KIAA0586: variants seen among roughly 807,000 people sequenced by gnomAD.
KIAA0586 encodes the protein KIAA0586.
In KIAA0586, 144 loss-of-function variants were observed where a neutral mutation model predicts 169.8. The ratio of observed to expected loss-of-function variants is 0.85; its 90% confidence interval spans 0.74 to 0.97. The LOEUF is 0.97. Among genes scored for constraint, KIAA0586 ranks in the 50% least tolerant of loss-of-function variants. The pLI is 0.00. For synonymous variants in KIAA0586, 625 were observed against 612.4 expected, an observed-to-expected ratio of 1.02 and a Z score of -0.30; for missense variants, 1,854 against 1,823.0, an observed-to-expected ratio of 1.02 and a Z score of -0.31.
chr14:58,485,008 C>T lies in KIAA0586; in HGVS notation c.3145-1999C>T, dbSNP rs2042346675. 3.2e-5 allele frequency among the ~76,000 whole-genome samples: 4 copies of T among 126,510 alleles called. No homozygotes were observed. In the South Asian group the frequency reaches 8.7e-4, roughly 28 times the overall value. 83.0% of individuals were successfully genotyped at this position (126,510 alleles called of 152,430 possible). A position where few individuals can be genotyped will look rare whatever the true frequency, so the allele number is the denominator to read the frequency against. On this transcript the variant is annotated intron_variant, in intron 21 of 30. Transcript: ENST00000652326. ...GGAGTGCAGTGGCGTGATCTTGGCT[C>T]ACTGCAACAGGTTCAAATGATTCTC...
chr14:58,440,169 C>T, intron 4 of KIAA0586: 1 of 448,270 alleles, frequency 2.2e-6, no homozygotes. Flanking sequence ...AGGCATGTAG[C>T]ACTACACCCA....
chr14:58,482,737 A>G (rs373308803), intron 21 of KIAA0586, 25 bp downstream of exon 21: 12 of 1,484,448 alleles, frequency 8.1e-6, no homozygotes, highest in Non-Finnish European at 1.1e-5. Context: ...TGAGACATTT[A>G]TTGAAGAATA....
intron 29 of KIAA0586, among the ~76,000 whole-genome samples, chr14:58,529,429 G>A (rs1056355630): frequency 2.6e-5 from 4 of 152,080 alleles, no homozygotes; most frequent in African/African-American, 7.2e-5. Context: ...GCCAGTATCC[G>A]TGATGATCAT....
In KIAA0586 at chr14:58,453,481, CAA is replaced by C; in HGVS notation, c.1253+9_1253+10del. ...TCCTGAGAAAACAAACAGGTAAAAA[CAA>C]GAGATTGGAATGAAAACTAGATTGA... On this transcript the variant is annotated intron_variant, in intron 9 of 30. Coordinates refer to ENST00000652326, the MANE Select transcript of KIAA0586 (RefSeq NM_001329943.3). 1.3e-6 allele frequency: 2 copies of C among 1,484,824 alleles called. No individual in the cohort carries two copies. Among genetic ancestry groups the C allele is most frequent in the Non-Finnish European group, 1.8e-6 (2 of 1,122,322 alleles). The allele number at this position is 1,484,824 out of a possible 1,614,324, so 92.0% of individuals were successfully genotyped here. A position where few individuals can be genotyped will look rare whatever the true frequency, so the allele number is the denominator to read the frequency against.
Position 58,428,325 on chromosome 14 carries a change from C to A in KIAA0586, c.61C>A (p.Leu21Ile). The A allele has an allele frequency of 6.2e-7, 1 of 1,613,882 alleles. No individual in the cohort carries two copies. The highest frequency in any genetic ancestry group is 8.5e-7 in the Non-Finnish European group (1 of 1,179,842). ...KKKIKMPVKR[L>I]REVVSQNHGD... Reference sequence around the variant, plus strand: ...AAAGATTAAGATGCCAGTGAAGAGACTTCGTGAGGTAGTTTCTCAAAATCA... The same window carrying A: ...AAAGATTAAGATGCCAGTGAAGAGAATTCGTGAGGTAGTTTCTCAAAATCA... The change falls in exon 1 of 31, where the codon CTT becomes ATT. Residue 21 changes from leucine to isoleucine, a missense_variant. Transcript: ENST00000652326.
rs535980695 is a variant in KIAA0586, at chr14:58,450,282, A to G, written c.962-297A>G. On this transcript the variant is annotated intron_variant, in intron 7 of 30. Transcript: ENST00000652326. ...TTTAATTCTTCCTATACTTATTGCC[A>G]GATGGTTTATCAGTTTTCACTGCCA... Among the ~76,000 whole-genome samples, 54 of 152,304 alleles carry G rather than the reference A, an allele frequency of 3.5e-4. 2 individuals are homozygous for G. In the South Asian group the frequency reaches 6.0e-3, roughly 17 times the overall value.
intron 4 of KIAA0586, among the ~76,000 whole-genome samples, chr14:58,436,633 G>GA (rs1010741012): frequency 7.3e-5 from 11 of 150,942 alleles, no homozygotes; most frequent in African/African-American, 1.9e-4. Flanking sequence ...ATACTGTTGA[G>GA]AAAAAAAAAG....
intron 19 of KIAA0586, 110 bp from the exon 20 acceptor site, chr14:58,477,013 A>G: frequency 3.5e-6 from 2 of 579,354 alleles, no homozygotes; most frequent in Admixed American, 2.9e-5. Context: ...TCACACCAAC[A>G]TGTTTGTGGC....
downstream of KIAA0586, among the ~76,000 whole-genome samples, chr14:58,552,489 A>C (rs952458480): frequency 2.0e-5 from 3 of 152,188 alleles, no homozygotes; most frequent in African/African-American, 7.2e-5. Context: ...ACAGCAAGCA[A>C]ATCAGAGCTC....
rs3783694 is a variant in KIAA0586 at position 58,427,859 on chromosome 14, T to C, written c.-406T>C. On this transcript the variant is annotated 5_prime_UTR_variant, in exon 1 of 31. Transcript: ENST00000652326. ...GAAGAAAGCTATTACGCTTCTTATG[T>C]GGGTCATTATTTTAAAAATAGCATT... 714,258 of 1,383,130 alleles carry C rather than the reference T, an allele frequency of 0.52. 186,448 individuals carry two copies. The highest frequency in any genetic ancestry group is 0.6 in the South Asian group (39,397 of 65,308). The allele number at this position is 1,383,130 out of a possible 1,614,324, so 85.7% of individuals were successfully genotyped here. A position where few individuals can be genotyped will look rare whatever the true frequency, so the allele number is the denominator to read the frequency against.
intron 29 of KIAA0586, chr14:58,521,703 T>C: frequency 1.1e-6 from 1 of 883,260 alleles, no homozygotes; most frequent in Non-Finnish European, 1.9e-6. Flanking sequence ...GTGGATTCTC[T>C]CTTAGAAAAC....
chr14:58,544,149 A>G (rs1566965381), intron 30 of KIAA0586, among the ~76,000 whole-genome samples: 1 of 152,198 alleles, frequency 6.6e-6, no homozygotes, highest in Non-Finnish European at 1.5e-5. Context: ...ATTAGTTTGC[A>G]AAGGATGATA....
intron 29 of KIAA0586, among the ~76,000 whole-genome samples, chr14:58,517,374 A>G (rs1248886503): frequency 6.6e-6 from 1 of 152,216 alleles, no homozygotes; most frequent in Non-Finnish European, 1.5e-5. Context: ...CACATGGAAA[A>G]TTGTTCAACA....
chr14:58,429,404 C>A lies in KIAA0586; in HGVS notation c.241C>A (p.Leu81Ile). The change falls in exon 2 of 31, where the codon CTA (leucine) becomes ATA (isoleucine). Residue 81 changes from leucine to isoleucine, a missense_variant. Leu to Ile is a conservative substitution (Grantham distance 5). Coordinates refer to ENST00000652326, the MANE Select transcript of KIAA0586 (RefSeq NM_001329943.3). The stretch of plus-strand genomic sequence containing the variant: ...TTCTGCTAGAAATTGTTACCAGCCT[C>A]TATTAGAAAATCCCATGGTGTCAGA... ...LTSARNCYQP[L>I]LENPMVSESD... 6.3e-7 allele frequency: 1 copy of A among 1,599,234 alleles called. No individual in the cohort carries two copies. The highest frequency in any genetic ancestry group is 8.6e-7 in the Non-Finnish European group (1 of 1,166,738).
At position 58,432,293 on chromosome 14, in the gene KIAA0586, C is replaced by A. The variant is rs2037441608; in HGVS notation, c.341-95C>A. On this transcript the variant is annotated intron_variant, in intron 3 of 30. Coordinates refer to ENST00000652326, the MANE Select transcript of KIAA0586 (RefSeq NM_001329943.3). ...GGAATGCTATGGCTGAGTTCCTAAA[C>A]ATTCTTTTAGTTAAAAAAGATTTTT... The A allele has an allele frequency of 2.1e-5, 15 of 724,620 alleles. No homozygotes were observed. In the South Asian group the frequency reaches 2.6e-4, roughly 12 times the overall value. The allele number at this position is 724,620 out of a possible 1,614,324, so 44.9% of individuals were successfully genotyped here. A position where few individuals can be genotyped will look rare whatever the true frequency, so the allele number is the denominator to read the frequency against.
intron 4 of KIAA0586, among the ~76,000 whole-genome samples, chr14:58,435,869 G>A (rs1217568782): frequency 2.6e-5 from 4 of 151,994 alleles, no homozygotes; most frequent in East Asian, 3.9e-4. Flanking sequence ...CACCATGCCC[G>A]GCTGATTTTT....
Position 58,474,742 on chromosome 14 carries a change from A to G in KIAA0586, c.2770A>G (p.Ile924Val). 2 of 1,612,548 alleles carry G rather than the reference A, an allele frequency of 1.2e-6. No homozygotes were observed. The highest frequency in any genetic ancestry group is 8.5e-7 in the Non-Finnish European group (1 of 1,179,426). ...VASTFQPTAD[I>V]LDKVIERKET... ...TTCTACTTTTCAGCCCACTGCTGATATTCTGGATAAAGTAATTGAGAGAAA... is the reference window on the plus strand; with the variant it reads ...TTCTACTTTTCAGCCCACTGCTGATGTTCTGGATAAAGTAATTGAGAGAAA... The change falls in exon 19 of 31, where the codon ATT becomes GTT. Residue 924 changes from isoleucine (I) to valine (V), a missense_variant. Transcript: ENST00000652326.
rs1057337563 is a variant in KIAA0586, at chr14:58,427,849, G to A, written c.-416G>A. ...CTCTGTGGCTGAAGAAAGCTATTAC[G>A]CTTCTTATGTGGGTCATTATTTTAA... On this transcript the variant is annotated 5_prime_UTR_variant, in exon 1 of 31. Coordinates refer to ENST00000652326, the MANE Select transcript of KIAA0586 (RefSeq NM_001329943.3). The A allele has an allele frequency of 1.2e-4, 171 of 1,403,426 alleles. No homozygotes were observed. The highest frequency in any genetic ancestry group is 1.6e-4 in the Non-Finnish European group (169 of 1,071,118). The allele number at this position is 1,403,426 out of a possible 1,614,324, so 86.9% of individuals were successfully genotyped here. A position where few individuals can be genotyped will look rare whatever the true frequency, so the allele number is the denominator to read the frequency against.
chr14:58,436,787 G>A (rs1432504843), intron 4 of KIAA0586, among the ~76,000 whole-genome samples: 2 of 152,106 alleles, frequency 1.3e-5, no homozygotes, highest in Admixed American at 1.3e-4. Flanking sequence ...AAACAAAAAT[G>A]GGATGATGGA....
Sources: allele counts gnomAD v4.1 joint callset (sites outside exome capture counted in the v4.1 genomes callset), GRCh38; gene constraint gnomAD v4.1.1; transcripts MANE v1.5; gene names NCBI Gene and HGNC (gene_info 2026-07-23, HGNC 2026-07-21).